Variants in HS3ST4 observed in about 807,000 individuals in gnomAD.
HS3ST4 encodes the protein heparan sulfate-glucosamine 3-sulfotransferase 4.
Under a neutral mutation model 29.2 loss-of-function variants are expected in HS3ST4, and 17 were observed. The observed-to-expected ratio is 0.58, with a 90% CI of 0.40 to 0.87. HS3ST4 has a LOEUF of 0.87. Among genes scored for constraint, HS3ST4 ranks in the 40% least tolerant of loss-of-function variants. The pLI is 0.00. For synonymous variants in HS3ST4, 314 were observed against 285.7 expected (o/e 1.10, Z -1.00); for missense variants, 627 against 634.5 (o/e 0.99, Z 0.13).
At chr16:25,913,783 A>T (rs1308736444) in intron 1 of HS3ST4, among the ~76,000 whole-genome samples, 1 of 145,972 alleles carries the variant, frequency 6.9e-6, no homozygotes, top group Non-Finnish European at 1.5e-5. Flanking sequence ...GTGTATGTGG[A>T]TGTGGAGGGA....
intron 1 of HS3ST4, among the ~76,000 whole-genome samples, chr16:25,988,866 T>TA (rs966533205): frequency 6.7e-4 from 92 of 137,258 alleles, no homozygotes; most frequent in East Asian, 8.3e-4. Context: ...TTAATAAAAG[T>TA]AAAAAAAAAA....
chr16:25,705,817 A>G (rs1019416341), intron 1 of HS3ST4, among the ~76,000 whole-genome samples: 13 of 152,142 alleles, frequency 8.5e-5, no homozygotes, highest in African/African-American at 2.9e-4. Context: ...TCTCATCTCT[A>G]AAATGGGAAT....
At chr16:25,964,355 C>T (rs1213548073) in intron 1 of HS3ST4, among the ~76,000 whole-genome samples, 1 of 151,736 alleles carries the variant, frequency 6.6e-6, no homozygotes, top group Non-Finnish European at 1.5e-5. Flanking sequence ...ACATGTACAC[C>T]CAGAATCTAA....
chr16:25,958,368 G>A (rs1046557567), intron 1 of HS3ST4, among the ~76,000 whole-genome samples: 1 of 152,234 alleles, frequency 6.6e-6, no homozygotes, highest in East Asian at 1.9e-4. Flanking sequence ...GTCTTGCCCT[G>A]TCACCCAGGC....
At chr16:25,695,437 G>T (rs1163511149) in intron 1 of HS3ST4, among the ~76,000 whole-genome samples, 1 of 152,220 alleles carries the variant, frequency 6.6e-6, no homozygotes, top group Non-Finnish European at 1.5e-5. Flanking sequence ...GGATCTGAGT[G>T]TGCTGGGACT....
intron 1 of HS3ST4, among the ~76,000 whole-genome samples, chr16:25,887,658 TG>T (rs1366063044): frequency 6.6e-6 from 1 of 150,924 alleles, no homozygotes; most frequent in Admixed American, 6.6e-5. Context: ...CATATGGCTA[TG>T]GGTGGAGCAT....
At chr16:25,997,722 C>T (rs1969169612) in intron 1 of HS3ST4, among the ~76,000 whole-genome samples, 1 of 152,136 alleles carries the variant, frequency 6.6e-6, no homozygotes, top group Non-Finnish European at 1.5e-5. Flanking sequence ...GTCAACTTTT[C>T]CCAGGAGGAT....
At chr16:25,724,768 G>GT (rs1184472675) in intron 1 of HS3ST4, among the ~76,000 whole-genome samples, 4 of 152,152 alleles carry the variant, frequency 2.6e-5, no homozygotes, top group Admixed American at 2.6e-4. Flanking sequence ...ATTAAAGGAG[G>GT]TCAGGTCACT....
chr16:25,740,994 C>T (rs547304693), intron 1 of HS3ST4, among the ~76,000 whole-genome samples: 21 of 152,158 alleles, frequency 1.4e-4, no homozygotes, highest in South Asian at 2.1e-4. Flanking sequence ...TTCTGTCTAG[C>T]GTCTGCTACT....
chr16:25,935,123 C>G (rs1220434123), intron 1 of HS3ST4, among the ~76,000 whole-genome samples: 1 of 152,104 alleles, frequency 6.6e-6, no homozygotes, highest in Non-Finnish European at 1.5e-5. Context: ...TCACCTTCCA[C>G]CATGATTGTA....
intron 1 of HS3ST4, among the ~76,000 whole-genome samples, chr16:25,842,621 C>T (rs1967426911): frequency 6.6e-6 from 1 of 152,108 alleles, no homozygotes; most frequent in Non-Finnish European, 1.5e-5. Context: ...TTATTAATCC[C>T]ATTATTAGGA....
intron 1 of HS3ST4, among the ~76,000 whole-genome samples, chr16:26,062,036 A>G (rs1421889634): frequency 3.9e-5 from 6 of 152,164 alleles, no homozygotes; most frequent in South Asian, 2.1e-4. Flanking sequence ...AGGCTACATC[A>G]TGTGTTCTAC....
chr16:25,774,027 G>A (rs1251334744), intron 1 of HS3ST4, among the ~76,000 whole-genome samples: 2 of 152,090 alleles, frequency 1.3e-5, no homozygotes, highest in African/African-American at 4.8e-5. Flanking sequence ...GCACTTTCTT[G>A]TGGGAGCTCC....
At chr16:25,701,070 T>C (rs546265386) in intron 1 of HS3ST4, among the ~76,000 whole-genome samples, 3 of 152,338 alleles carry the variant, frequency 2.0e-5, no homozygotes, top group Non-Finnish European at 4.4e-5. Context: ...ATCCAGGGGC[T>C]CAAATGATGT....
At chr16:25,820,005 T>A (rs1967131733) in intron 1 of HS3ST4, among the ~76,000 whole-genome samples, 1 of 64,484 alleles carries the variant, frequency 1.6e-5, no homozygotes, top group Non-Finnish European at 2.6e-5. Context: ...AGTGATACTC[T>A]GTCTCAAAAA....
intron 1 of HS3ST4, among the ~76,000 whole-genome samples, chr16:26,066,377 C>T (rs1324862453): frequency 1.3e-5 from 2 of 152,282 alleles, no homozygotes; most frequent in Admixed American, 1.3e-4. Flanking sequence ...AGAGATGGAA[C>T]ATTTTAATGA....
At chr16:26,115,601 T>G (rs750266760) in intron 1 of HS3ST4, among the ~76,000 whole-genome samples, 1 of 152,090 alleles carries the variant, frequency 6.6e-6, no homozygotes, top group Non-Finnish European at 1.5e-5. Flanking sequence ...TCACCTGGAA[T>G]CCGGGTAGCA....
At chr16:25,967,406 A>C (rs1174375561) in intron 1 of HS3ST4, among the ~76,000 whole-genome samples, 1 of 152,104 alleles carries the variant, frequency 6.6e-6, no homozygotes, top group Non-Finnish European at 1.5e-5. Context: ...CGCCCACCTC[A>C]GTCTCCCCAA....
chr16:26,136,403 A>G lies in HS3ST4; in HGVS notation c.*155A>G. The G allele has an allele frequency of 1.4e-6, 1 of 712,376 alleles. No homozygotes were observed. Among genetic ancestry groups the G allele is most frequent in the Non-Finnish European group, 2.3e-6 (1 of 439,960 alleles). The allele number at this position is 712,376 out of a possible 1,614,324, so 44.1% of individuals were successfully genotyped here. ...GGATTGCCTCCAGTGCTGTTAGCTT[A>G]GGCAAACAGGTGGATCCCATGGCAT... On this transcript the variant is annotated 3_prime_UTR_variant, in exon 2 of 2. Transcript: ENST00000331351.
Sources: allele counts gnomAD v4.1 joint callset (sites outside exome capture counted in the v4.1 genomes callset), GRCh38; gene constraint gnomAD v4.1.1; transcripts MANE v1.5; gene names NCBI Gene and HGNC (gene_info 2026-07-23, HGNC 2026-07-21).